The following OPCML variants were observed in gnomAD, a reference collection of about 807,000 sequenced individuals.
The protein encoded by OPCML is opioid-binding protein/cell adhesion molecule.
In OPCML, 13 loss-of-function variants were observed where a neutral mutation model predicts 37.8. That is an observed-to-expected ratio of 0.34 (90% confidence interval 0.22 to 0.55). The LOEUF is 0.55. Among genes scored for constraint, OPCML ranks in the 20% least tolerant of loss-of-function variants. The pLI is 0.91. For missense variants in OPCML, 341 were observed against 435.6 expected (o/e 0.78, Z 1.93); for synonymous variants, 176 against 168.8 (o/e 1.04, Z -0.33).
At chr11:133,024,594 A>G (rs1947514631) in intron 1 of OPCML, 3 of 982,472 alleles carry the variant, frequency 3.1e-6, no homozygotes, top group Non-Finnish European at 3.6e-6. Context: ...TGCCCTGTGA[A>G]TATTTAATTG....
chr11:132,615,397 T>C (rs937144900), intron 3 of OPCML, among the ~76,000 whole-genome samples: 7 of 152,196 alleles, frequency 4.6e-5, no homozygotes, highest in African/African-American at 1.2e-4. Flanking sequence ...GGATTAATAA[T>C]GGTATTTTCC....
chr11:132,423,307 G>A (rs984891412), intron 7 of OPCML, among the ~76,000 whole-genome samples: 4 of 152,230 alleles, frequency 2.6e-5, no homozygotes, highest in Non-Finnish European at 5.9e-5. Flanking sequence ...CTGCCAAAGT[G>A]CCTTTGGTCA....
At chr11:133,391,733 CA>C (rs775995460) in intron 1 of OPCML, among the ~76,000 whole-genome samples, 2 of 152,132 alleles carry the variant, frequency 1.3e-5, no homozygotes, top group Non-Finnish European at 2.9e-5. Flanking sequence ...TTAAAAATTA[CA>C]ATAACAGCAA....
intron 1 of OPCML, chr11:133,005,065 C>T: frequency 1.0e-6 from 1 of 985,216 alleles, no homozygotes; most frequent in Non-Finnish European, 1.2e-6. Flanking sequence ...TCATGAATGC[C>T]ACACCCTTGC....
In OPCML at chr11:133,140,850, CGACGAA is replaced by C. The variant is rs1565468204; in HGVS notation, c.62-197846_62-197841del. On this transcript the variant is annotated intron_variant, in intron 1 of 7. Transcript: ENST00000524381. ...ACGACGACGAAGAAGACGACGACGA[CGACGAA>C]GAAGACGACGACGACGAAGAAGACG... Among the ~76,000 whole-genome samples the C allele has an allele frequency of 2.8e-5, 2 of 70,260 alleles. 1 individual carries two copies. The highest frequency in any genetic ancestry group is 9.6e-4 in the East Asian group (2 of 2,076). 46.1% of individuals were successfully genotyped at this position (70,260 alleles called of 152,430 possible). A position where few individuals can be genotyped will look rare whatever the true frequency, so the allele number is the denominator to read the frequency against.
chr11:132,950,384 G>A (rs1240582564), intron 1 of OPCML, among the ~76,000 whole-genome samples: 5 of 152,258 alleles, frequency 3.3e-5, no homozygotes, highest in South Asian at 4.2e-4. Flanking sequence ...AAAAGAGAGC[G>A]ATTGAGGAAG....
intron 1 of OPCML, among the ~76,000 whole-genome samples, chr11:133,245,383 T>C (rs944522163): frequency 4.6e-5 from 7 of 152,212 alleles, no homozygotes; most frequent in African/African-American, 1.7e-4. Context: ...AAAATGAGTC[T>C]CTATTCCTTT....
chr11:133,136,981 T>A lies in OPCML; in HGVS notation c.62-193971A>T, dbSNP rs562860083. Among the ~76,000 whole-genome samples the A allele has an allele frequency of 2.3e-4, 35 of 152,054 alleles. No homozygotes were observed. The East Asian group carries it at 6.6e-3, about 29-fold the overall frequency. The stretch of plus-strand genomic sequence containing the variant: ...GTCTACCTTAAAAAATAAATTATTT[T>A]GAAAAAATGGTTATGACGGATGCCC... On this transcript the variant is annotated intron_variant, in intron 1 of 7. Transcript: ENST00000524381.
At chr11:132,845,854 C>T (rs1356015374) in intron 2 of OPCML, among the ~76,000 whole-genome samples, 2 of 152,050 alleles carry the variant, frequency 1.3e-5, no homozygotes, top group Non-Finnish European at 2.9e-5. Flanking sequence ...GTTTATTTGC[C>T]CCATTCCCTG....
At chr11:132,435,341 C>A (rs1397596339) in intron 7 of OPCML, 1 of 621,154 alleles carries the variant, frequency 1.6e-6, no homozygotes, top group East Asian at 1.4e-4. Flanking sequence ...CTCTCTTCAT[C>A]CTTCATCCTC....
intron 2 of OPCML, among the ~76,000 whole-genome samples, chr11:132,747,106 T>C (rs1945659359): frequency 6.6e-6 from 1 of 152,090 alleles, no homozygotes; most frequent in South Asian, 2.1e-4. Context: ...ATAATTATAG[T>C]GATAATAATT....
At chr11:132,563,282 G>T (rs2096414639) in intron 3 of OPCML, among the ~76,000 whole-genome samples, 1 of 152,078 alleles carries the variant, frequency 6.6e-6, no homozygotes, top group Non-Finnish European at 1.5e-5. Flanking sequence ...ACTCTGTTAT[G>T]CTGTGGGACA....
chr11:133,404,919 T>C (rs1351423914), intron 1 of OPCML, among the ~76,000 whole-genome samples: 2 of 152,166 alleles, frequency 1.3e-5, no homozygotes, highest in Admixed American at 6.5e-5. Flanking sequence ...CATAAACATA[T>C]GTAGAAATTA....
Position 132,426,536 on chromosome 11 carries a change from G to A in OPCML, c.917-6243C>T, listed in dbSNP as rs550814797. On this transcript the variant is annotated intron_variant, in intron 7 of 7. Coordinates refer to ENST00000524381, the MANE Select transcript of OPCML (RefSeq NM_001012393.5). Reference sequence around the variant, plus strand: ...CTGAATCTGCCTTTCAGGTTCAAGTGATTCTCCTGCCTCAGCCTCCCAAGT... The same window carrying A: ...CTGAATCTGCCTTTCAGGTTCAAGTAATTCTCCTGCCTCAGCCTCCCAAGT... 5.9e-5 allele frequency among the ~76,000 whole-genome samples: 9 copies of A among 152,194 alleles called. 1 individual carries two copies. The South Asian group carries it at 1.9e-3, about 32-fold the overall frequency.
intron 4 of OPCML, among the ~76,000 whole-genome samples, chr11:132,479,124 C>T (rs577197086): frequency 5.9e-5 from 9 of 152,218 alleles, no homozygotes; most frequent in South Asian, 4.1e-4. Context: ...TCTGAGGTAA[C>T]GGGTTCATCA....
chr11:132,890,832 G>C lies in OPCML; in HGVS notation c.146+52094C>G, dbSNP rs543459790. Among the ~76,000 whole-genome samples the C allele has an allele frequency of 3.5e-3, 511 of 147,406 alleles. 3 individuals carry two copies. The highest frequency in any genetic ancestry group is 0.012 in the African/African-American group (478 of 39,714). On this transcript the variant is annotated intron_variant, in intron 2 of 7. Coordinates refer to ENST00000524381, the MANE Select transcript of OPCML (RefSeq NM_001012393.5). The stretch of plus-strand genomic sequence containing the variant: ...AGATCGAGCCACTGCACTCCAGCTT[G>C]GGTGACAGAGCGAGACTCCATCTCA...
intron 1 of OPCML, among the ~76,000 whole-genome samples, chr11:133,125,578 G>A (rs1010615161): frequency 4.1e-5 from 6 of 145,052 alleles, no homozygotes; most frequent in African/African-American, 1.5e-4. Flanking sequence ...AAAAAATATA[G>A]ACACATGTAT....
chr11:132,662,016 AC>A (rs1941995650), intron 2 of OPCML, among the ~76,000 whole-genome samples: 1 of 152,238 alleles, frequency 6.6e-6, no homozygotes, highest in Admixed American at 6.5e-5. Context: ...TGCCTGACAG[AC>A]ATCAGAAGGC....
intron 1 of OPCML, among the ~76,000 whole-genome samples, chr11:133,474,342 T>C (rs1947187180): frequency 6.6e-6 from 1 of 152,194 alleles, no homozygotes; most frequent in Non-Finnish European, 1.5e-5. Flanking sequence ...GTCAATCATG[T>C]TTCTCATTTT....
Sources: gnomAD v4.1 joint callset for allele counts (sites outside exome capture counted in the v4.1 genomes callset) on GRCh38, gnomAD v4.1.1 for gene constraint, MANE v1.5 for transcripts, NCBI Gene and HGNC (gene_info 2026-07-23, HGNC 2026-07-21) for gene names.